Variants in RBM19 observed in about 807,000 individuals in gnomAD.
The protein encoded by RBM19 is RNA binding motif protein 19.
A neutral mutation model predicts 116.8 loss-of-function variants in RBM19; 94 were observed. The observed-to-expected ratio is 0.80, with a 90% CI of 0.68 to 0.95. The LOEUF is 0.95. Ranked by LOEUF, RBM19 falls within the 40% of genes least tolerant of loss-of-function variation. The pLI, the probability that RBM19 is intolerant of heterozygous loss-of-function variation, is 0.00. For missense variants in RBM19, 1,161 were observed against 1,220.7 expected, an observed-to-expected ratio of 0.95 and a Z score of 0.73; for synonymous variants, 475 against 494.1, an observed-to-expected ratio of 0.96 and a Z score of 0.51.
intron 22 of RBM19, among the ~76,000 whole-genome samples, chr12:113,847,039 T>A (rs895772550): frequency 1.3e-5 from 2 of 152,204 alleles, no homozygotes; most frequent in African/African-American, 4.8e-5. Context: ...AGCCATCCGG[T>A]CTGTGGCGTT....
chr12:113,820,245 T>TAA (rs10667485), downstream of RBM19, among the ~76,000 whole-genome samples: 115,008 of 140,026 alleles, frequency 0.82, 47,443 homozygotes, highest in Middle Eastern at 0.86. Flanking sequence ...ACTGATGAAC[T>TAA]AAAAAAAAAA....
chr12:113,927,685 C>T (rs1164059105), intron 16 of RBM19, among the ~76,000 whole-genome samples: 1 of 150,008 alleles, frequency 6.7e-6, no homozygotes, highest in African/African-American at 2.5e-5. Context: ...AGAATGGGAA[C>T]AAAACTTAGG....
At position 113,959,774 on chromosome 12, in the gene RBM19, CACCCTCTCCCAGCCTCT is replaced by C. The variant is rs1406668135; in HGVS notation, c.378+74_378+90del. On this transcript the variant is annotated intron_variant, in intron 4 of 23. Transcript: ENST00000261741. ...CCAGCCTCTACGGTCTCCTAGCCTC[CACCCTCTCCCAGCCTCT>C]ACCCTCTCCAGTCTCCACCCTCTTC... 4.1e-6 allele frequency: 6 copies of C among 1,478,624 alleles called. No individual in the cohort carries two copies. The African/African-American group carries it at 4.2e-5, about 10-fold the overall frequency. The allele number at this position is 1,478,624 out of a possible 1,614,324, so 91.6% of individuals were successfully genotyped here. A position where few individuals can be genotyped will look rare whatever the true frequency, so the allele number is the denominator to read the frequency against.
chr12:113,844,873 G>A (rs2075386), intron 22 of RBM19, 85 bp from the exon 23 acceptor site: 638,668 of 1,475,582 alleles, frequency 0.43, 140,083 homozygotes, highest in East Asian at 0.51. Context: ...GCCTGCCTGC[G>A]TCTCAGATGC....
downstream of RBM19, among the ~76,000 whole-genome samples, chr12:113,818,510 C>T (rs1874204982): frequency 6.6e-6 from 1 of 152,260 alleles, no homozygotes. Context: ...CCCAGCTGGC[C>T]TGACATCTGC....
intron 23 of RBM19, among the ~76,000 whole-genome samples, chr12:113,841,572 C>T (rs535898866): frequency 1.4e-4 from 22 of 152,110 alleles, no homozygotes; most frequent in Middle Eastern, 6.8e-3. Flanking sequence ...TATAGGCATG[C>T]GCCACCAAGC....
At chr12:113,888,223 T>A (rs1297339319) in intron 21 of RBM19, among the ~76,000 whole-genome samples, 1 of 152,192 alleles carries the variant, frequency 6.6e-6, no homozygotes, top group African/African-American at 2.4e-5. Context: ...GAAAAAAAAC[T>A]CAATGCTTTA....
At position 113,898,874 on chromosome 12, in the gene RBM19, GAATTTT is replaced by G. The variant is rs1207738716; in HGVS notation, c.2558+16089_2558+16094del. ...CACGCTAAAATAATGTTGTTAATTT[GAATTTT>G]ATTGAGTTTAAATTTTGTTTGTATT... On this transcript the variant is annotated intron_variant, in intron 21 of 23. Transcript: ENST00000261741. The surrounding 1 kb of genome is among the most constrained non-coding windows in gnomAD (Gnocchi z 4.3). Among the ~76,000 whole-genome samples, 2 of 152,128 alleles carry G rather than the reference GAATTTT, an allele frequency of 1.3e-5. No individual in the cohort carries two copies. Among genetic ancestry groups the G allele is most frequent in the African/African-American group, 4.8e-5 (2 of 41,404 alleles).
chr12:113,959,710 C>A (rs560878509), intron 4 of RBM19, among the ~76,000 whole-genome samples, 155 bp downstream of exon 4: 7 of 152,054 alleles, frequency 4.6e-5, no homozygotes, highest in Admixed American at 2.0e-4. Context: ...CCAGTGTCCA[C>A]CCTCTCCAGC....
At chr12:113,959,987 T>C in intron 3 of RBM19, 72 bp downstream of exon 3, 1 of 1,613,738 alleles carries the variant, frequency 6.2e-7, no homozygotes, top group Non-Finnish European at 8.5e-7. Flanking sequence ...GGAGGGCCCA[T>C]CTTTGGGAAC....
chr12:113,820,236 C>T (rs762373749), downstream of RBM19, among the ~76,000 whole-genome samples: 1 of 99,692 alleles, frequency 1.0e-5, no homozygotes, highest in Non-Finnish European at 1.9e-5. Flanking sequence ...CTAGTGATAA[C>T]TGATGAACTA....
At chr12:113,820,822 C>G (rs1464407362), downstream of RBM19, among the ~76,000 whole-genome samples, 1 of 152,156 alleles carries the variant, frequency 6.6e-6, no homozygotes, top group Non-Finnish European at 1.5e-5. Context: ...ACTGCCAATT[C>G]CAGGCCAGGC....
chr12:113,942,213 G>T, intron 14 of RBM19, 111 bp downstream of exon 14: 1 of 896,882 alleles, frequency 1.1e-6, no homozygotes, highest in South Asian at 1.7e-5. Context: ...TTAGAAATCA[G>T]TAATAGTCCT....
chr12:113,904,133 T>G (rs1293365064), intron 21 of RBM19, among the ~76,000 whole-genome samples: 1 of 152,188 alleles, frequency 6.6e-6, no homozygotes, highest in Non-Finnish European at 1.5e-5. Context: ...TCCAGGTGGC[T>G]CATCACTTCC....
intron 4 of RBM19, 71 bp from the exon 5 acceptor site, chr12:113,959,475 T>C (rs1566044678): frequency 6.7e-7 from 1 of 1,488,232 alleles, no homozygotes; most frequent in African/African-American, 1.4e-5. Flanking sequence ...AAGGCTCAGG[T>C]GGGGCTTGAT....
Position 113,912,346 on chromosome 12 carries a change from C to T in RBM19, c.2558+2623G>A, listed in dbSNP as rs114337188. Among the ~76,000 whole-genome samples the T allele has an allele frequency of 2.2e-3, 335 of 152,336 alleles. 1 individual carries two copies. The highest frequency in any genetic ancestry group is 7.2e-3 in the African/African-American group (298 of 41,582). On this transcript the variant is annotated intron_variant, in intron 21 of 23. Coordinates refer to ENST00000261741, the MANE Select transcript of RBM19 (RefSeq NM_016196.4). ...TCTCTCCTGAAATGGCTACATGCCT[C>T]GTGCCTAGCACAGTGCCTGGTATAA...
At chr12:113,894,863 C>A (rs1463002737) in intron 21 of RBM19, among the ~76,000 whole-genome samples, 1 of 152,228 alleles carries the variant, frequency 6.6e-6, no homozygotes, top group African/African-American at 2.4e-5. Flanking sequence ...GACACTAAGG[C>A]CACGACTGGG....
chr12:113,865,852 C>G (rs561416062), intron 21 of RBM19, among the ~76,000 whole-genome samples: 1 of 151,512 alleles, frequency 6.6e-6, no homozygotes, highest in East Asian at 1.9e-4. Context: ...GGCAGGGGGG[C>G]CAGCTAGATC....
chr12:113,955,171 TG>T lies in RBM19; in HGVS notation c.880del (p.His294ThrfsTer3). On this transcript the variant is annotated frameshift_variant, in exon 7 of 24. Coordinates refer to ENST00000261741, the MANE Select transcript of RBM19 (RefSeq NM_016196.4). LOFTEE classifies it high-confidence loss of function. ...CGGGGCTCCCCGCAGCTTCACGGTG[TG>T]GCAGGTGGTGGGTTCCTTCTGGTTT... ...PANQKEPTTCHTVKLRGAPFN... is the reference protein window; with the variant it reads ...PANQKEPTTCXTVKLRGAPFN... The T allele has an allele frequency of 6.2e-7, 1 of 1,613,550 alleles. No homozygotes were observed.
Sources: allele counts gnomAD v4.1 joint callset (sites outside exome capture counted in the v4.1 genomes callset), GRCh38; gene constraint gnomAD v4.1.1; non-coding constraint Gnocchi (gnomAD v3.1); transcripts MANE v1.5; gene names NCBI Gene and HGNC (gene_info 2026-07-23, HGNC 2026-07-21).